The following UBAC2 variants were observed in gnomAD, a reference collection of about 807,000 sequenced individuals.
UBAC2 encodes the protein UBA domain containing 2, also known as ubiquitin-associated domain-containing protein 2.
A neutral mutation model predicts 44.0 loss-of-function variants in UBAC2; 26 were observed. That is an observed-to-expected ratio of 0.59 (90% confidence interval 0.43 to 0.82). The LOEUF (loss-of-function observed/expected upper bound fraction) is 0.82. Ranked by LOEUF, UBAC2 falls within the 40% of genes least tolerant of loss-of-function variation. The pLI, the probability that UBAC2 is intolerant of heterozygous loss-of-function variation, is 0.00. For missense variants in UBAC2, 329 were observed against 419.4 expected, an observed-to-expected ratio of 0.78 and a Z score of 1.88; for synonymous variants, 155 against 154.3, an observed-to-expected ratio of 1.00 and a Z score of -0.04.
intron 6 of UBAC2, among the ~76,000 whole-genome samples, chr13:99,318,949 A>G (rs1036888028): frequency 2.0e-5 from 3 of 152,052 alleles, no homozygotes; most frequent in Admixed American, 2.0e-4. Context: ...AATCATAGAA[A>G]AAAAAAAAGC....
chr13:99,330,083 A>C (rs973955821), intron 6 of UBAC2, among the ~76,000 whole-genome samples: 1 of 152,154 alleles, frequency 6.6e-6, no homozygotes, highest in Non-Finnish European at 1.5e-5. Context: ...ATGTATTTCT[A>C]AGTAATTCTG....
At chr13:99,357,641 C>T (rs1440846189) in intron 7 of UBAC2, among the ~76,000 whole-genome samples, 1 of 152,318 alleles carries the variant, frequency 6.6e-6, no homozygotes, top group East Asian at 1.9e-4. Flanking sequence ...TGTGGTTTCA[C>T]CAGTTTCCCA....
At chr13:99,225,254 A>G (rs570029311) in intron 1 of UBAC2, among the ~76,000 whole-genome samples, 31 of 152,326 alleles carry the variant, frequency 2.0e-4, no homozygotes, top group Non-Finnish European at 4.3e-4. Flanking sequence ...AACTCTTCTC[A>G]TCTTGCAGAA....
At chr13:99,269,440 T>G (rs1291426039) in intron 4 of UBAC2, among the ~76,000 whole-genome samples, 1 of 152,188 alleles carries the variant, frequency 6.6e-6, no homozygotes, top group African/African-American at 2.4e-5. Context: ...ATTATATTTC[T>G]CAAATTCTGT....
At chr13:99,249,582 G>A (rs749221546) in intron 4 of UBAC2, among the ~76,000 whole-genome samples, 1 of 152,228 alleles carries the variant, frequency 6.6e-6, no homozygotes, top group Non-Finnish European at 1.5e-5. Flanking sequence ...GAGTGGAATG[G>A]TAGTCCTGTT....
intron 1 of UBAC2, among the ~76,000 whole-genome samples, chr13:99,204,743 G>A (rs1372472153): frequency 1.3e-5 from 2 of 152,008 alleles, no homozygotes; most frequent in East Asian, 3.9e-4. Context: ...GTTGGGGAGA[G>A]AAGTGAGATT....
intron 6 of UBAC2, among the ~76,000 whole-genome samples, chr13:99,330,475 A>AAAAAAAAAAAAAAAAAAAAAAAAAAAT: frequency 6.7e-6 from 1 of 149,410 alleles, no homozygotes; most frequent in Non-Finnish European, 1.5e-5. Flanking sequence ...AAAAAAAAAA[A>AAAAAAAAAAAAAAAAAAAAAAAAAAAT]AGAAATACAG....
chr13:99,227,134 G>A lies in UBAC2; in HGVS notation c.32-11293G>A, dbSNP rs2043118821. Among the ~76,000 whole-genome samples the A allele has an allele frequency of 3.3e-5, 5 of 151,606 alleles. No homozygotes were observed. In the South Asian group the frequency reaches 1.0e-3, roughly 32 times the overall value. Reference sequence around the variant, plus strand: ...AATCGCTTGAACCCAGGAGGCAGAGGTTGCAATGAGCCGAGATTGTGCCAT... The same window carrying A: ...AATCGCTTGAACCCAGGAGGCAGAGATTGCAATGAGCCGAGATTGTGCCAT... On this transcript the variant is annotated intron_variant, in intron 1 of 8. Transcript: ENST00000403766.
At chr13:99,365,782 T>A (rs990828561) in intron 7 of UBAC2, among the ~76,000 whole-genome samples, 2 of 152,206 alleles carry the variant, frequency 1.3e-5, no homozygotes, top group African/African-American at 4.8e-5. Context: ...AAACTTGTTA[T>A]TTTTTATATT....
chr13:99,357,461 G>A (rs776770088), intron 7 of UBAC2, among the ~76,000 whole-genome samples: 49 of 152,318 alleles, frequency 3.2e-4, no homozygotes, highest in South Asian at 1.0e-3. Context: ...TAGGAAATTA[G>A]TCATTTCTCT....
chr13:99,253,909 G>T (rs535291117), intron 4 of UBAC2, among the ~76,000 whole-genome samples: 81 of 152,332 alleles, frequency 5.3e-4, no homozygotes, highest in African/African-American at 1.7e-3. Context: ...CAGAGAGGAA[G>T]TTATAGTTGA....
At position 99,277,381 on chromosome 13, in the gene UBAC2, C is replaced by T. The variant is rs557917091; in HGVS notation, c.389+32757C>T. Among the ~76,000 whole-genome samples the T allele has an allele frequency of 2.4e-4, 36 of 152,066 alleles. No individual in the cohort carries two copies. The South Asian group carries it at 7.3e-3, about 31-fold the overall frequency. Reference sequence around the variant, plus strand: ...TCTCTACTAAAAATACAAAATTAGCCGAGCATGGTGGCACATGCCTGTAAT... The same window carrying T: ...TCTCTACTAAAAATACAAAATTAGCTGAGCATGGTGGCACATGCCTGTAAT... On this transcript the variant is annotated intron_variant, in intron 4 of 8. Transcript: ENST00000403766.
At position 99,351,427 on chromosome 13, in the gene UBAC2, G is replaced by T; in HGVS notation, c.807+10862G>T. On this transcript the variant is annotated intron_variant, in intron 7 of 8. Transcript: ENST00000403766. Reference sequence around the variant, plus strand: ...ATATAGGTAACTACATAGTATCTTTGATCTCTTGCCTCTTTATCTTCCAAA... The same window carrying T: ...ATATAGGTAACTACATAGTATCTTTTATCTCTTGCCTCTTTATCTTCCAAA... The T allele has an allele frequency of 4.8e-6, 2 of 414,164 alleles. 1 individual carries two copies. Among genetic ancestry groups the T allele is most frequent in the South Asian group, 3.6e-5 (2 of 56,072 alleles). The allele number at this position is 414,164 out of a possible 1,614,324, so 25.7% of individuals were successfully genotyped here.
At chr13:99,226,935 A>G (rs1320946659) in intron 1 of UBAC2, among the ~76,000 whole-genome samples, 1 of 152,216 alleles carries the variant, frequency 6.6e-6, no homozygotes, top group African/African-American at 2.4e-5. Context: ...GCGGTGGCTC[A>G]TGCCTGTAAT....
chr13:99,351,101 A>G (rs2045080002), intron 7 of UBAC2, among the ~76,000 whole-genome samples: 1 of 152,246 alleles, frequency 6.6e-6, no homozygotes, highest in South Asian at 2.1e-4. Context: ...CTGGGTTGAC[A>G]GGGACATCTA....
intron 1 of UBAC2, among the ~76,000 whole-genome samples, chr13:99,237,469 A>T (rs1353248380): frequency 6.6e-6 from 1 of 152,188 alleles, no homozygotes; most frequent in South Asian, 2.1e-4. Flanking sequence ...GTTGGTGGTT[A>T]TCAGAGGCTG....
chr13:99,280,616 T>C (rs1478132309), intron 4 of UBAC2, among the ~76,000 whole-genome samples: 5 of 152,218 alleles, frequency 3.3e-5, no homozygotes, highest in African/African-American at 1.2e-4. Context: ...AACTGGATGC[T>C]TTTGAAAGAG....
chr13:99,371,902 A>T (rs2045411203), intron 8 of UBAC2, among the ~76,000 whole-genome samples: 2 of 152,250 alleles, frequency 1.3e-5, no homozygotes, highest in African/African-American at 4.8e-5. Flanking sequence ...TTTGATAGCC[A>T]TAGAAATCTT....
chr13:99,213,568 C>T (rs560651352), intron 1 of UBAC2, among the ~76,000 whole-genome samples: 1 of 152,206 alleles, frequency 6.6e-6, no homozygotes, highest in African/African-American at 2.4e-5. Flanking sequence ...CCATGTTGGC[C>T]AGGCTGGTCT....
Sources: gnomAD v4.1 joint callset for allele counts (sites outside exome capture counted in the v4.1 genomes callset) on GRCh38, gnomAD v4.1.1 for gene constraint, MANE v1.5 for transcripts, NCBI Gene and HGNC (gene_info 2026-07-23, HGNC 2026-07-21) for gene names.